CCDC178: variants seen among roughly 807,000 people sequenced by gnomAD.
The protein encoded by CCDC178 is coiled-coil domain-containing protein 178.
Under a neutral mutation model 117.4 loss-of-function variants are expected in CCDC178, and 126 were observed. That is an observed-to-expected ratio of 1.07 (90% CI 0.93 to 1.24). The LOEUF (loss-of-function observed/expected upper bound fraction) is 1.24. Among genes scored for constraint, CCDC178 ranks in the 50% most tolerant of loss-of-function variants. CCDC178 has a pLI of 0.00. For synonymous variants in CCDC178, 283 were observed against 313.4 expected (o/e 0.90, Z 1.02); for missense variants, 1,030 against 986.9 (o/e 1.04, Z -0.59).
At chr18:33,188,624 G>A (rs1289175001) in intron 20 of CCDC178, among the ~76,000 whole-genome samples, 1 of 152,134 alleles carries the variant, frequency 6.6e-6, no homozygotes, top group Non-Finnish European at 1.5e-5. Flanking sequence ...GTGGCCATGG[G>A]CAATAACCAG....
Position 33,226,867 on chromosome 18 carries a change from G to C in CCDC178, c.1594-12C>G. The C allele has an allele frequency of 6.7e-7, 1 of 1,481,772 alleles. No homozygotes were observed. The highest frequency in any genetic ancestry group is 9.1e-7 in the Non-Finnish European group (1 of 1,096,280). The allele number at this position is 1,481,772 out of a possible 1,614,324, so 91.8% of individuals were successfully genotyped here. ...AATTCTTCTCTACCCTATATGTTAGGAAATTTTTAAAATGAGGATTTTCTT... is the reference window on the plus strand; with the variant it reads ...AATTCTTCTCTACCCTATATGTTAGCAAATTTTTAAAATGAGGATTTTCTT... On this transcript the variant is annotated splice_polypyrimidine_tract_variant and intron_variant, in intron 15 of 22. Transcript: ENST00000383096.
intron 21 of CCDC178, among the ~76,000 whole-genome samples, chr18:33,009,568 C>A (rs1363193435): frequency 6.6e-6 from 1 of 151,994 alleles, no homozygotes; most frequent in African/African-American, 2.4e-5. Context: ...AAAACTACTC[C>A]TTCTCAGCTA....
chr18:33,241,429 CGTGT>C (rs60878431), intron 15 of CCDC178, among the ~76,000 whole-genome samples: 8,517 of 144,872 alleles, frequency 0.059, 305 homozygotes, highest in African/African-American at 0.11. Context: ...ATTATATGAT[CGTGT>C]GTGTGTGTGT....
intron 22 of CCDC178, among the ~76,000 whole-genome samples, chr18:32,955,854 G>A (rs2054582877): frequency 6.6e-6 from 1 of 152,050 alleles, no homozygotes; most frequent in African/African-American, 2.4e-5. Context: ...ACTATCTTAA[G>A]GTATTCCAGA....
intron 11 of CCDC178, among the ~76,000 whole-genome samples, chr18:33,299,848 C>T (rs752655800): frequency 3.7e-4 from 55 of 150,516 alleles, no homozygotes; most frequent in Non-Finnish European, 6.5e-4. Context: ...CTCAAAAATG[C>T]TTGATATCAC....
chr18:33,325,287 GTTT>G (rs1361387379), intron 10 of CCDC178, among the ~76,000 whole-genome samples: 1 of 151,768 alleles, frequency 6.6e-6, no homozygotes, highest in Non-Finnish European at 1.5e-5. Context: ...ATAAAATTCT[GTTT>G]TTTAATCATG....
At chr18:33,209,429 A>G (rs1321620729) in intron 20 of CCDC178, among the ~76,000 whole-genome samples, 1 of 152,028 alleles carries the variant, frequency 6.6e-6, no homozygotes, top group Non-Finnish European at 1.5e-5. Flanking sequence ...CCATCCCTAC[A>G]GATGATCCAT....
intron 11 of CCDC178, among the ~76,000 whole-genome samples, chr18:33,303,376 T>A (rs944715020): frequency 3.3e-5 from 5 of 152,158 alleles, no homozygotes; most frequent in African/African-American, 1.2e-4. Flanking sequence ...GGATTTTTTT[T>A]AAGTAGTACA....
chr18:33,254,557 T>C (rs1441885400), intron 14 of CCDC178, among the ~76,000 whole-genome samples: 1 of 151,910 alleles, frequency 6.6e-6, no homozygotes, highest in African/African-American at 2.4e-5. Flanking sequence ...TCCAGTGCAA[T>C]AATAAGACAA....
chr18:33,219,572 T>C (rs1345544913), intron 18 of CCDC178, among the ~76,000 whole-genome samples: 3 of 152,134 alleles, frequency 2.0e-5, no homozygotes, highest in Non-Finnish European at 4.4e-5. Flanking sequence ...GTGGCACATA[T>C]ACACCATGGA....
At chr18:33,161,563 A>C (rs968668) in intron 20 of CCDC178, among the ~76,000 whole-genome samples, 115,420 of 152,138 alleles carry the variant, frequency 0.76, 47,595 homozygotes, top group South Asian at 0.93. Flanking sequence ...TGCCTCAAAA[A>C]TTTCCTATGG....
At chr18:33,293,552 C>T (rs1266402618) in intron 11 of CCDC178, among the ~76,000 whole-genome samples, 1 of 151,914 alleles carries the variant, frequency 6.6e-6, no homozygotes, top group East Asian at 1.9e-4. Context: ...GTAGTCCCAT[C>T]TACTTAGTAG....
intron 20 of CCDC178, among the ~76,000 whole-genome samples, chr18:33,134,293 G>A (rs1405073610): frequency 6.6e-6 from 1 of 151,850 alleles, no homozygotes; most frequent in Non-Finnish European, 1.5e-5. Flanking sequence ...GTTCATAGTT[G>A]GGGGTTAGGA....
intron 11 of CCDC178, among the ~76,000 whole-genome samples, chr18:33,300,624 A>G (rs371247587): frequency 2.0e-4 from 31 of 152,234 alleles, no homozygotes; most frequent in African/African-American, 7.5e-4. Flanking sequence ...AAGATTACCC[A>G]TGTTACACCT....
At chr18:33,263,062 C>T (rs1337434338) in intron 14 of CCDC178, among the ~76,000 whole-genome samples, 2 of 152,222 alleles carry the variant, frequency 1.3e-5, no homozygotes, top group African/African-American at 2.4e-5. Flanking sequence ...AAATATTCAA[C>T]CTCCCTAGTA....
intron 11 of CCDC178, among the ~76,000 whole-genome samples, chr18:33,300,383 C>G (rs1382945581): frequency 4.6e-5 from 7 of 152,158 alleles, no homozygotes; most frequent in African/African-American, 1.7e-4. Flanking sequence ...AGGAATTGGG[C>G]ATTGCTATAA....
intron 3 of CCDC178, among the ~76,000 whole-genome samples, chr18:33,407,460 A>G (rs2063796521): frequency 6.6e-6 from 1 of 152,114 alleles, no homozygotes; most frequent in South Asian, 2.1e-4. Context: ...ACAAAGCAAA[A>G]TAACAACAAA....
Position 33,147,010 on chromosome 18 carries a change from T to G in CCDC178, c.2239-54100A>C, listed in dbSNP as rs114924451. Among the ~76,000 whole-genome samples, 996 of 152,244 alleles carry G rather than the reference T, an allele frequency of 6.5e-3. 13 individuals carry two copies. Among genetic ancestry groups the G allele is most frequent in the African/African-American group, 0.022 (923 of 41,554 alleles). The stretch of plus-strand genomic sequence containing the variant: ...ACTGTGAAGCCCTGATCCTGGCATA[T>G]TCCACAACAGCCTCTTCAGACATGG... On this transcript the variant is annotated intron_variant, in intron 20 of 22. Coordinates refer to ENST00000383096, the MANE Select transcript of CCDC178 (RefSeq NM_001105528.4).
chr18:33,251,267 C>T (rs1568089277), intron 14 of CCDC178, among the ~76,000 whole-genome samples: 2 of 151,598 alleles, frequency 1.3e-5, no homozygotes, highest in African/African-American at 2.4e-5. Context: ...AGGATATACT[C>T]GTATTGTGTA....
Sources: gnomAD v4.1 joint callset for allele counts (sites outside exome capture counted in the v4.1 genomes callset) on GRCh38, gnomAD v4.1.1 for gene constraint, MANE v1.5 for transcripts, NCBI Gene and HGNC (gene_info 2026-07-23, HGNC 2026-07-21) for gene names.